SPATS2L: variants seen among roughly 807,000 people sequenced by gnomAD.
SPATS2L encodes the protein SPATS2-like protein.
SPATS2L carries 30 observed loss-of-function variants against 59.6 expected under a neutral mutation model. That is an observed-to-expected ratio of 0.50 (90% confidence interval 0.38 to 0.68). The LOEUF is 0.68. SPATS2L is among the 30% of genes least tolerant of loss of function. The pLI, the probability that SPATS2L is intolerant of heterozygous loss-of-function variation, is 0.00. For synonymous variants in SPATS2L, 252 were observed against 263.5 expected, an observed-to-expected ratio of 0.96 and a Z score of 0.42; for missense variants, 615 against 700.0, an observed-to-expected ratio of 0.88 and a Z score of 1.37.
At chr2:200,352,369 A>G (rs2080769985) in intron 2 of SPATS2L, among the ~76,000 whole-genome samples, 1 of 133,864 alleles carries the variant, frequency 7.5e-6, no homozygotes, top group Non-Finnish European at 1.5e-5. Context: ...ATATATATAT[A>G]TATGGTAAAC....
At chr2:200,412,080 A>G (rs1382691268) in intron 3 of SPATS2L, among the ~76,000 whole-genome samples, 1 of 152,154 alleles carries the variant, frequency 6.6e-6, no homozygotes, top group Non-Finnish European at 1.5e-5. Context: ...ACACTCCTAC[A>G]AGGAGGTCTT....
At chr2:200,417,828 C>G (rs1368881263) in intron 5 of SPATS2L, among the ~76,000 whole-genome samples, 1 of 152,150 alleles carries the variant, frequency 6.6e-6, no homozygotes, top group Non-Finnish European at 1.5e-5. Context: ...AGAACGAAGC[C>G]ACGCTGATGT....
chr2:200,378,301 C>T, intron 2 of SPATS2L: 2 of 1,002,492 alleles, frequency 2.0e-6, no homozygotes, highest in Non-Finnish European at 2.4e-6. Context: ...AGCTTATGTG[C>T]CTCCTGAGAA....
intron 2 of SPATS2L, among the ~76,000 whole-genome samples, chr2:200,370,460 A>G (rs2081392644): frequency 6.6e-6 from 1 of 152,222 alleles, no homozygotes; most frequent in Non-Finnish European, 1.5e-5. Context: ...GGTTTGCATA[A>G]CAAACCCAGA....
At chr2:200,356,869 A>G (rs1377218938) in intron 2 of SPATS2L, among the ~76,000 whole-genome samples, 3 of 152,182 alleles carry the variant, frequency 2.0e-5, no homozygotes, top group African/African-American at 7.2e-5. Flanking sequence ...CAAGAGAGCA[A>G]GAGGGGGCTC....
chr2:200,394,928 AAAAT>A (rs906984392), intron 3 of SPATS2L, among the ~76,000 whole-genome samples: 3 of 152,338 alleles, frequency 2.0e-5, no homozygotes, highest in African/African-American at 7.2e-5. Context: ...ATGAAATAAA[AAAAT>A]AAAGGGAGAA....
chr2:200,340,567 A>G (rs1159741027), intron 2 of SPATS2L, among the ~76,000 whole-genome samples: 1 of 152,206 alleles, frequency 6.6e-6, no homozygotes, highest in African/African-American at 2.4e-5. Flanking sequence ...CAGAGCGCTC[A>G]CATGGAGGGG....
intron 2 of SPATS2L, among the ~76,000 whole-genome samples, chr2:200,374,143 A>T (rs1272478200): frequency 6.6e-6 from 1 of 152,228 alleles, no homozygotes; most frequent in African/African-American, 2.4e-5. Flanking sequence ...TTTATACTGC[A>T]TCATAATTAA....
chr2:200,406,395 A>C, intron 3 of SPATS2L, among the ~76,000 whole-genome samples: 1 of 151,536 alleles, frequency 6.6e-6, no homozygotes, highest in African/African-American at 2.4e-5. Flanking sequence ...AACCCTCTCA[A>C]ACTAGCACAA....
At chr2:200,306,689 C>G, upstream of SPATS2L, 1 of 985,424 alleles carries the variant, frequency 1.0e-6, no homozygotes. Context: ...GGCGGCCGAG[C>G]CGGAGTTGTG....
intron 2 of SPATS2L, among the ~76,000 whole-genome samples, chr2:200,379,948 C>T (rs1267368209): frequency 2.0e-5 from 3 of 152,116 alleles, no homozygotes; most frequent in African/African-American, 4.8e-5. Context: ...ACCCACATCT[C>T]TATGGAAACA....
At chr2:200,404,783 T>G (rs934242205) in intron 3 of SPATS2L, among the ~76,000 whole-genome samples, 4 of 152,178 alleles carry the variant, frequency 2.6e-5, no homozygotes, top group Non-Finnish European at 4.4e-5. Flanking sequence ...TCTGGAGCCC[T>G]GGGGAGAATA....
At chr2:200,334,333 T>C (rs2080063925) in intron 2 of SPATS2L, among the ~76,000 whole-genome samples, 1 of 152,246 alleles carries the variant, frequency 6.6e-6, no homozygotes, top group Non-Finnish European at 1.5e-5. Flanking sequence ...GTTCATATCC[T>C]TCACCCACTT....
intron 9 of SPATS2L, among the ~76,000 whole-genome samples, chr2:200,465,844 A>G (rs1042044169): frequency 1.3e-5 from 2 of 152,194 alleles, no homozygotes; most frequent in Non-Finnish European, 2.9e-5. Flanking sequence ...CACCATGGCT[A>G]ACATGGTGAA....
At chr2:200,351,214 G>C (rs2080718962) in intron 2 of SPATS2L, 3 of 471,062 alleles carry the variant, frequency 6.4e-6, no homozygotes, top group Middle Eastern at 3.3e-4. Context: ...AGCACTTGCT[G>C]GGAGGGAGTG....
In SPATS2L at chr2:200,472,851, C is replaced by G; in HGVS notation, c.1080C>G (p.Asn360Lys). ...TTGCAGTTACACATCCAAAGAACAA[C>G]TATTCCTCAAGAACTCCCTGCAGCT... is the stretch of plus-strand genomic sequence containing the variant. ...LCGEITHPKN[N>K]YSSRTPCSSL... Residue 360 changes from asparagine to lysine, a missense_variant, in exon 12 of 13, where the codon AAC becomes AAG. Asn to Lys is a moderately conservative substitution (Grantham distance 94). This residue lies in a region of SPATS2L where 284 missense variants were observed against 280.1 expected (regional missense o/e 1.01). Transcript: ENST00000409140. 1 of 1,613,988 alleles carries G rather than the reference C, an allele frequency of 6.2e-7. No individual in the cohort carries two copies. The highest frequency in any genetic ancestry group is 8.5e-7 in the Non-Finnish European group (1 of 1,179,876).
rs1574776918 is a variant in SPATS2L at position 200,477,749 on chromosome 2, C to T, written c.1395C>T (p.Gly465=). 3 of 1,577,958 alleles carry T rather than the reference C, an allele frequency of 1.9e-6. No individual in the cohort carries two copies. The highest frequency in any genetic ancestry group is 2.6e-6 in the Non-Finnish European group (3 of 1,161,984). The change falls in exon 13 of 13, where the codon GGC becomes GGT. Residue 465 remains glycine (G), a synonymous_variant. Coordinates refer to ENST00000409140, the MANE Select transcript of SPATS2L (RefSeq NM_001100423.2). ...ATGAAGCCGAGCCACTGGGAAAGGGCAACAGCCGCCACGAACACAGAAGAC... is the reference window on the plus strand; with the variant it reads ...ATGAAGCCGAGCCACTGGGAAAGGGTAACAGCCGCCACGAACACAGAAGAC... ...SGNEAEPLGK[G]NSRHEHRRQP...
intron 1 of SPATS2L, among the ~76,000 whole-genome samples, chr2:200,317,755 A>C (rs1463535283): frequency 6.6e-6 from 1 of 152,230 alleles, no homozygotes; most frequent in African/African-American, 2.4e-5. Context: ...AGGTTTTTGA[A>C]TCTCTGAATA....
rs568298992 is a variant in SPATS2L, at chr2:200,446,195, C to T, written c.788+5411C>T. On this transcript the variant is annotated intron_variant, in intron 8 of 12. Transcript: ENST00000409140. ...CTCTACAATTTTTTGATTAGCTGGG[C>T]ATAGTGGTGTGTGCCTGTGGTCCCA... Among the ~76,000 whole-genome samples the T allele has an allele frequency of 2.0e-5, 3 of 152,190 alleles. No individual in the cohort carries two copies. In the South Asian group the frequency reaches 6.2e-4, roughly 32 times the overall value.
Sources: allele counts gnomAD v4.1 joint callset (sites outside exome capture counted in the v4.1 genomes callset), GRCh38; gene constraint gnomAD v4.1.1; regional missense constraint gnomAD v4.1.1; transcripts MANE v1.5; gene names NCBI Gene and HGNC (gene_info 2026-07-23, HGNC 2026-07-21).